CAPN8: variants seen among roughly 807,000 people sequenced by gnomAD.
CAPN8 encodes calpain-8.
A neutral mutation model predicts 80.9 loss-of-function variants in CAPN8; 87 were observed. That is an observed-to-expected ratio of 1.07 (90% CI 0.90 to 1.28). CAPN8 has a LOEUF of 1.28. Ranked by LOEUF, CAPN8 falls within the 50% of genes most tolerant of loss-of-function variation. The probability of loss-of-function intolerance (pLI) is 0.00; values close to 1 mark genes in which losing one functional copy is unlikely to be tolerated. For synonymous variants in CAPN8, 299 were observed against 273.8 expected (o/e 1.09, Z -0.91); for missense variants, 757 against 702.0 (o/e 1.08, Z -0.89).
chr1:223,556,640 A>G lies in CAPN8; in HGVS notation c.1572+1491T>C, dbSNP rs1656911582. ...TGCTTGGGAGCTTTAGAAAACCCCA[A>G]TATCATGGGACGTGGAGATGGGAAG... On this transcript the variant is annotated intron_variant, in intron 13 of 20. Coordinates refer to ENST00000366872, the MANE Select transcript of CAPN8 (RefSeq NM_001143962.2). 2.0e-5 allele frequency among the ~76,000 whole-genome samples: 3 copies of G among 152,194 alleles called. No individual in the cohort carries two copies. The South Asian group carries it at 6.2e-4, about 32-fold the overall frequency.
intron 2 of CAPN8, among the ~76,000 whole-genome samples, chr1:223,639,189 G>A (rs371194246): frequency 1.9e-4 from 29 of 152,268 alleles, no homozygotes; most frequent in African/African-American, 5.5e-4. Context: ...GCAGTGAGCC[G>A]AGATAGTGCC....
At chr1:223,542,555 C>A (rs1656496639) in intron 20 of CAPN8, among the ~76,000 whole-genome samples, 1 of 152,204 alleles carries the variant, frequency 6.6e-6, no homozygotes, top group Non-Finnish European at 1.5e-5. Context: ...AGGCCAATGC[C>A]TCCCCCTGCC....
chr1:223,558,260 G>A (rs1349815839), intron 12 of CAPN8, 93 bp from the exon 13 acceptor site: 1 of 397,438 alleles, frequency 2.5e-6, no homozygotes. Context: ...ACCCTCCTGA[G>A]AGATTGGGCT....
chr1:223,628,294 T>C (rs1222928485), intron 3 of CAPN8, among the ~76,000 whole-genome samples, 152 bp from the exon 4 acceptor site: 2 of 152,126 alleles, frequency 1.3e-5, no homozygotes, highest in Non-Finnish European at 2.9e-5. Context: ...TCTGTGCACA[T>C]AGGAGATGCC....
At chr1:223,617,314 T>G (rs74145922) in intron 9 of CAPN8, 4,691 of 126,854 alleles carry the variant, frequency 0.037, 183 homozygotes, top group African/African-American at 0.11. Context: ...TTTTGTTTTG[T>G]TTTTTTGTTG....
intron 2 of CAPN8, among the ~76,000 whole-genome samples, chr1:223,632,400 G>A (rs1435391354): frequency 7.6e-6 from 1 of 131,502 alleles, no homozygotes; most frequent in African/African-American, 2.8e-5. Context: ...TTTGAGACAA[G>A]GTCTCGCTCT....
chr1:223,624,219 G>A (rs921460836), intron 6 of CAPN8, among the ~76,000 whole-genome samples: 18 of 152,172 alleles, frequency 1.2e-4, no homozygotes, highest in Non-Finnish European at 1.8e-4. Flanking sequence ...TGGAACTACA[G>A]GCACACCCTA....
At chr1:223,642,560 C>T in intron 2 of CAPN8, 4 of 326,214 alleles carry the variant, frequency 1.2e-5, no homozygotes, top group Admixed American at 8.4e-5. Context: ...TATTCTGGGC[C>T]AGGGGGGTCT....
In CAPN8 at chr1:223,654,339, C is replaced by A; in HGVS notation, c.298G>T (p.Gly100Cys). ...CTCCCCAGTTACTCACCTAGACCACCCTGACAAATGTCTGTGCGCGTGGCT... is the reference window on the plus strand; with the variant it reads ...CTCCCCAGTTACTCACCTAGACCACACTGACAAATGTCTGTGCGCGTGGCT... Reference protein sequence around the residue: ...GGATRTDICQGGLGDCWLLAA... With the variant: ...GGATRTDICQCGLGDCWLLAA... Residue 100 changes from glycine to cysteine, a missense_variant, in exon 2 of 21, where the codon GGT becomes TGT. Coordinates refer to ENST00000366872, the MANE Select transcript of CAPN8 (RefSeq NM_001143962.2). 1 of 1,551,682 alleles carries A rather than the reference C, an allele frequency of 6.4e-7. No homozygotes were observed. The highest frequency in any genetic ancestry group is 8.7e-7 in the Non-Finnish European group (1 of 1,146,970).
chr1:223,555,091 G>C (rs1378191673), intron 13 of CAPN8, among the ~76,000 whole-genome samples: 2 of 152,238 alleles, frequency 1.3e-5, no homozygotes, highest in Non-Finnish European at 2.9e-5. Flanking sequence ...AACCACTGTA[G>C]TAATAATACT....
chr1:223,640,485 C>T (rs1363057049), intron 2 of CAPN8, among the ~76,000 whole-genome samples: 2 of 152,142 alleles, frequency 1.3e-5, no homozygotes, highest in African/African-American at 2.4e-5. Flanking sequence ...TATCTCACTC[C>T]CACCACCTGC....
intron 2 of CAPN8, among the ~76,000 whole-genome samples, chr1:223,641,702 G>A (rs753891545): frequency 2.0e-5 from 3 of 152,052 alleles, no homozygotes; most frequent in Non-Finnish European, 4.4e-5. Flanking sequence ...GCAAGTCCCC[G>A]CCCCAGTGCT....
At chr1:223,629,297 A>T (rs1351600953) in intron 2 of CAPN8, among the ~76,000 whole-genome samples, 2 of 150,588 alleles carry the variant, frequency 1.3e-5, no homozygotes, top group Non-Finnish European at 2.9e-5. Context: ...TGTTTACAGT[A>T]TTGCCTTTTC....
At chr1:223,649,119 C>G (rs995010035) in intron 2 of CAPN8, among the ~76,000 whole-genome samples, 3 of 152,218 alleles carry the variant, frequency 2.0e-5, no homozygotes, top group Non-Finnish European at 2.9e-5. Flanking sequence ...TTCCTGAAAG[C>G]AGCAAGCATC....
At chr1:223,552,376 C>G (rs75590404) in intron 14 of CAPN8, among the ~76,000 whole-genome samples, 8 of 152,000 alleles carry the variant, frequency 5.3e-5, no homozygotes, top group Admixed American at 3.9e-4. Flanking sequence ...CCAGCCTGGC[C>G]AATATGGCGA....
intron 20 of CAPN8, 104 bp from the exon 21 acceptor site, chr1:223,541,963 A>C: frequency 2.0e-6 from 3 of 1,520,894 alleles, no homozygotes; most frequent in South Asian, 1.2e-5. Context: ...TTTTATCTCC[A>C]TTCTCCAGTA....
At chr1:223,631,307 T>C (rs1343486703) in intron 2 of CAPN8, among the ~76,000 whole-genome samples, 1 of 152,158 alleles carries the variant, frequency 6.6e-6, no homozygotes, top group Non-Finnish European at 1.5e-5. Context: ...TGCAGAGTTA[T>C]CACAAGCTGC....
chr1:223,614,383 T>C (rs1487673358), intron 10 of CAPN8, among the ~76,000 whole-genome samples: 7 of 143,934 alleles, frequency 4.9e-5, no homozygotes, highest in African/African-American at 1.8e-4. Flanking sequence ...CTGGGCGACA[T>C]AGTGAGAGTC....
intron 14 of CAPN8, among the ~76,000 whole-genome samples, chr1:223,552,660 A>G (rs1370622646): frequency 6.6e-6 from 1 of 151,986 alleles, no homozygotes; most frequent in Non-Finnish European, 1.5e-5. Context: ...TGGGATGTCA[A>G]GAGTCTACAT....
Sources: allele counts gnomAD v4.1 joint callset (sites outside exome capture counted in the v4.1 genomes callset), GRCh38; gene constraint gnomAD v4.1.1; transcripts MANE v1.5; gene names NCBI Gene and HGNC (gene_info 2026-07-23, HGNC 2026-07-21).